Variants in ERCC6L2 observed in about 807,000 individuals in gnomAD.
ERCC6L2 encodes DNA excision repair protein ERCC-6-like 2.
ERCC6L2 carries 77 observed loss-of-function variants against 132.0 expected under a neutral mutation model. The observed-to-expected ratio is 0.58, with a 90% CI of 0.49 to 0.71. The LOEUF is 0.71. Ranked by LOEUF, ERCC6L2 falls within the 30% of genes least tolerant of loss-of-function variation. The pLI is 0.00. For missense variants in ERCC6L2, 1,542 were observed against 1,837.6 expected (o/e 0.84, Z 2.94); for synonymous variants, 583 against 632.4 (o/e 0.92, Z 1.17).
chr9:95,887,724 G>GTTATT (rs1227432947), intron 2 of ERCC6L2, among the ~76,000 whole-genome samples: 1 of 152,076 alleles, frequency 6.6e-6, no homozygotes, highest in Non-Finnish European at 1.5e-5. Context: ...GGTTTCTTAG[G>GTTATT]TTATTTTCAG....
rs137907445 is a variant in ERCC6L2, at chr9:95,927,318, G to C, written c.1534-761G>C. The stretch of plus-strand genomic sequence containing the variant: ...GTTTATCATTAAATAAATTGTTTTA[G>C]TGTTTGTTTCATCTTTCAGAAGAAT... On this transcript the variant is annotated intron_variant, in intron 9 of 18. Coordinates refer to ENST00000653738, the MANE Select transcript of ERCC6L2 (RefSeq NM_020207.7). Among the ~76,000 whole-genome samples, 1,237 of 152,022 alleles carry C rather than the reference G, an allele frequency of 8.1e-3. 13 individuals are homozygous for C. The highest frequency in any genetic ancestry group is 0.037 in the Middle Eastern group (11 of 294).
At chr9:95,907,391 G>C (rs1409911464) in intron 4 of ERCC6L2, 120 bp downstream of exon 4, 6 of 822,098 alleles carry the variant, frequency 7.3e-6, no homozygotes, top group South Asian at 2.5e-5. Flanking sequence ...TTTTAGTAAA[G>C]ACGGAGTTTC....
chr9:96,039,080 C>G, exon 20 of ERCC6L2: 1 of 378,048 alleles, frequency 2.6e-6, no homozygotes, highest in South Asian at 2.0e-5. Flanking sequence ...TCACTGCAAC[C>G]TCACGAGAGA....
intron 13 of ERCC6L2, among the ~76,000 whole-genome samples, chr9:95,960,599 A>G (rs1389159888): frequency 6.6e-6 from 1 of 152,100 alleles, no homozygotes; most frequent in Non-Finnish European, 1.5e-5. Flanking sequence ...AGCCACCGCA[A>G]GCTGGAAGAG....
intron 2 of ERCC6L2, among the ~76,000 whole-genome samples, chr9:95,883,206 C>A (rs1827687598): frequency 6.6e-6 from 1 of 152,152 alleles, no homozygotes; most frequent in African/African-American, 2.4e-5. Context: ...GCCCTCCCAA[C>A]TTCCTGTTTT....
intron 3 of ERCC6L2, among the ~76,000 whole-genome samples, chr9:95,898,173 G>A (rs1828566912): frequency 6.6e-6 from 1 of 152,050 alleles, no homozygotes; most frequent in Non-Finnish European, 1.5e-5. Context: ...TTGATTGACT[G>A]TCATGGCAAA....
chr9:96,039,407 C>A (rs905121654), intron 20 of ERCC6L2, among the ~76,000 whole-genome samples: 16 of 151,826 alleles, frequency 1.1e-4, no homozygotes, highest in Admixed American at 1.0e-3. Context: ...AGGGCTGAGG[C>A]GTAGAGAAGA....
intron 10 of ERCC6L2, 21 bp downstream of exon 10, chr9:95,928,171 T>C (rs377569742): frequency 1.9e-6 from 3 of 1,564,188 alleles, no homozygotes; most frequent in African/African-American, 1.4e-5. Context: ...CTAAAGTATA[T>C]CCTTGATTGG....
intron 16 of ERCC6L2, among the ~76,000 whole-genome samples, chr9:95,976,651 T>C (rs879451497): frequency 6.6e-6 from 1 of 152,166 alleles, no homozygotes; most frequent in African/African-American, 2.4e-5. Context: ...TGTTATCTAA[T>C]TTTGTTGTAA....
At chr9:96,033,393 C>A (rs370227575) in intron 19 of ERCC6L2, among the ~76,000 whole-genome samples, 1 of 152,080 alleles carries the variant, frequency 6.6e-6, no homozygotes, top group South Asian at 2.1e-4. Flanking sequence ...GACAGGCACG[C>A]GCCACCATGC....
intron 12 of ERCC6L2, among the ~76,000 whole-genome samples, chr9:95,944,227 T>TA (rs1223891759): frequency 6.6e-6 from 1 of 152,172 alleles, no homozygotes; most frequent in Non-Finnish European, 1.5e-5. Context: ...TGCTACAACA[T>TA]AGACAAACCT....
intron 18 of ERCC6L2, among the ~76,000 whole-genome samples, chr9:96,011,324 G>A (rs1834020455): frequency 6.6e-6 from 1 of 152,128 alleles, no homozygotes; most frequent in Admixed American, 6.5e-5. Context: ...CTCTTCTAAG[G>A]ACACTAATCC....
chr9:95,906,409 TG>T (rs1442264563), intron 3 of ERCC6L2, among the ~76,000 whole-genome samples: 1 of 152,144 alleles, frequency 6.6e-6, no homozygotes, highest in Non-Finnish European at 1.5e-5. Context: ...GACTTTAGGT[TG>T]GCAAGAAGGA....
intron 2 of ERCC6L2, among the ~76,000 whole-genome samples, chr9:95,883,164 C>G: frequency 6.6e-6 from 1 of 152,170 alleles, no homozygotes; most frequent in East Asian, 1.9e-4. Context: ...CAGTGAGACA[C>G]CAGGCCTCTC....
Position 96,016,722 on chromosome 9 carries a change from CCTT to C in ERCC6L2, c.*3523_*3525del, listed in dbSNP as rs1454544895. On this transcript the variant is annotated 3_prime_UTR_variant, in exon 19 of 19. Coordinates refer to ENST00000653738, the MANE Select transcript of ERCC6L2 (RefSeq NM_020207.7). ...GTACGCTTTTAAATTCTGAAGTTAT[CCTT>C]CTTTTATGATATCAAAATAGCCCTC... Among the ~76,000 whole-genome samples the C allele has an allele frequency of 6.6e-6, 1 of 152,174 alleles. No homozygotes were observed. The highest frequency in any genetic ancestry group is 2.4e-5 in the African/African-American group (1 of 41,440).
chr9:95,897,753 C>A, intron 2 of ERCC6L2, 96 bp from the exon 3 acceptor site: 1 of 1,229,150 alleles, frequency 8.1e-7, no homozygotes, highest in Non-Finnish European at 1.2e-6. Context: ...TCTCTTTGTA[C>A]ATACTTTGTC....
chr9:95,876,127 T>A, intron 1 of ERCC6L2, 43 bp downstream of exon 1: 1 of 1,523,294 alleles, frequency 6.6e-7, no homozygotes, highest in South Asian at 1.2e-5. Context: ...GCCTGTGTAC[T>A]GCGTCGCGTT....
chr9:95,916,151 G>A lies in ERCC6L2; in HGVS notation c.951-76G>A, dbSNP rs1328165837. ...TTACCGTTGATAATCAAGTAATGTA[G>A]TATATCTCTTAGAAGCAAGAAGTTA... On this transcript the variant is annotated intron_variant, in intron 5 of 18. Coordinates refer to ENST00000653738, the MANE Select transcript of ERCC6L2 (RefSeq NM_020207.7). The A allele has an allele frequency of 3.1e-6, 4 of 1,294,522 alleles. No individual in the cohort carries two copies. In the Admixed American group the frequency reaches 5.7e-5, roughly 18 times the overall value. 80.2% of individuals were successfully genotyped at this position (1,294,522 alleles called of 1,614,324 possible).
Position 95,896,237 on chromosome 9 carries a change from T to C in ERCC6L2, c.472-1612T>C, listed in dbSNP as rs1328535897. On this transcript the variant is annotated intron_variant, in intron 2 of 18. Coordinates refer to ENST00000653738, the MANE Select transcript of ERCC6L2 (RefSeq NM_020207.7). Reference sequence around the variant, plus strand: ...GATGAATTGGCTCACTTTTTGGTTGTCTGAAAATCTTTACCCTTCATTCTT... The same window carrying C: ...GATGAATTGGCTCACTTTTTGGTTGCCTGAAAATCTTTACCCTTCATTCTT... 2.0e-5 allele frequency among the ~76,000 whole-genome samples: 3 copies of C among 152,264 alleles called. No individual in the cohort carries two copies. The East Asian group carries it at 5.8e-4, about 29-fold the overall frequency.
Sources: gnomAD v4.1 joint callset for allele counts (sites outside exome capture counted in the v4.1 genomes callset) on GRCh38, gnomAD v4.1.1 for gene constraint, MANE v1.5 for transcripts, NCBI Gene and HGNC (gene_info 2026-07-23, HGNC 2026-07-21) for gene names.